MED15: variants seen among roughly 807,000 people sequenced by gnomAD.
The protein encoded by MED15 is mediator of RNA polymerase II transcription subunit 15.
In MED15, 41 loss-of-function variants were observed where a neutral mutation model predicts 118.7. The ratio of observed to expected loss-of-function variants is 0.35; its 90% CI spans 0.27 to 0.45. MED15 has a LOEUF of 0.45. Ranked by LOEUF, MED15 falls within the 20% of genes least tolerant of loss-of-function variation. The pLI, the probability that MED15 is intolerant of heterozygous loss-of-function variation, is 1.00. For synonymous variants in MED15, 436 were observed against 413.9 expected (o/e 1.05, Z -0.65); for missense variants, 740 against 1,025.5 (o/e 0.72, Z 3.80).
intron 1 of MED15, among the ~76,000 whole-genome samples, chr22:20,526,854 C>T (rs2054663909): frequency 6.6e-6 from 1 of 152,166 alleles, no homozygotes; most frequent in African/African-American, 2.4e-5. Context: ...GGACTGTTGT[C>T]TTCCTTTGTT....
intron 2 of MED15, among the ~76,000 whole-genome samples, chr22:20,547,104 A>G (rs2055573863): frequency 6.6e-6 from 1 of 152,200 alleles, no homozygotes; most frequent in Non-Finnish European, 1.5e-5. Flanking sequence ...GGTTTCTAAT[A>G]TTATTAGCAT....
rs889537464 is a variant in MED15 at position 20,535,749 on chromosome 22, CA to C, written c.69-1367del. Among the ~76,000 whole-genome samples, 8 of 151,736 alleles carry C rather than the reference CA, an allele frequency of 5.3e-5. No individual in the cohort carries two copies. In the East Asian group the frequency reaches 7.8e-4, roughly 15 times the overall value. ...TAATTTTTTGTATTTTTAGTAGAGA[CA>C]GGGTTTCACTGTGTTAGCCAGGATG... On this transcript the variant is annotated intron_variant, in intron 1 of 17. Transcript: ENST00000263205.
chr22:20,513,169 C>G (rs2146338476), intron 1 of MED15, among the ~76,000 whole-genome samples: 1 of 152,238 alleles, frequency 6.6e-6, no homozygotes, highest in South Asian at 2.1e-4. Flanking sequence ...AACTCCTGGA[C>G]TCAAGTGATT....
In MED15 at chr22:20,568,231, G is replaced by A. The variant is rs9624141; in HGVS notation, c.1042-290G>A. Among the ~76,000 whole-genome samples, 1,007 of 151,664 alleles carry A rather than the reference G, an allele frequency of 6.6e-3. 12 individuals are homozygous for A. The highest frequency in any genetic ancestry group is 0.023 in the African/African-American group (932 of 41,304). ...TCAGCATGCTTGGCCCAGAGGATGA[G>A]CAGGCTAGGCTGTAAGCTCTGCATT... On this transcript the variant is annotated intron_variant, in intron 7 of 17. Transcript: ENST00000263205.
intron 5 of MED15, among the ~76,000 whole-genome samples, chr22:20,556,029 C>T (rs578022093): frequency 6.6e-6 from 1 of 152,236 alleles, no homozygotes; most frequent in Admixed American, 6.5e-5. Context: ...GCCCTTAGGA[C>T]CTATCTTGAT....
In MED15 at chr22:20,555,102, G is replaced by T. The variant is rs147554746; in HGVS notation, c.405G>T (p.Gly135=). The change falls in exon 5 of 18, where the codon GGG becomes GGT. Residue 135 remains glycine, a synonymous_variant. Coordinates refer to ENST00000263205, the MANE Select transcript of MED15 (RefSeq NM_001003891.3). The part of the protein sequence containing the change: ...LSGQPPPGTS[G]MAPHSMAVVS... ...GGCAGCCGCCTCCTGGGACCTCGGG[G>T]ATGGCCCCTCACAGCATGGCTGTCG... The T allele has an allele frequency of 1.9e-6, 3 of 1,610,932 alleles. No individual in the cohort carries two copies. The highest frequency in any genetic ancestry group is 2.5e-6 in the Non-Finnish European group (3 of 1,179,216).
chr22:20,514,625 G>A (rs951534570), intron 1 of MED15, among the ~76,000 whole-genome samples: 6 of 152,200 alleles, frequency 3.9e-5, no homozygotes, highest in Non-Finnish European at 7.3e-5. Flanking sequence ...AGCATGGAAT[G>A]GAGCTGGAAC....
At chr22:20,572,102 T>A (rs1163098472) in intron 8 of MED15, among the ~76,000 whole-genome samples, 5 of 152,224 alleles carry the variant, frequency 3.3e-5, no homozygotes, top group Admixed American at 3.3e-4. Flanking sequence ...GATTTTTTGC[T>A]ATTACCAGTG....
chr22:20,535,980 G>A (rs5757755), intron 1 of MED15, among the ~76,000 whole-genome samples: 81,671 of 149,158 alleles, frequency 0.55, 22,604 homozygotes, highest in Admixed American at 0.69. Flanking sequence ...CGGTTCAAGC[G>A]ATTCTCCTGC....
intron 8 of MED15, among the ~76,000 whole-genome samples, chr22:20,570,924 C>G (rs1183434459): frequency 1.3e-5 from 2 of 151,702 alleles, no homozygotes; most frequent in Non-Finnish European, 2.9e-5. Context: ...GCCACTATAT[C>G]CAGCTAATTT....
At chr22:20,518,897 G>C (rs1346821863) in intron 1 of MED15, 1 of 453,258 alleles carries the variant, frequency 2.2e-6, no homozygotes. Flanking sequence ...CTGTCACTCA[G>C]GCTGAAGTGC....
At chr22:20,541,075 A>G (rs1464486774) in intron 2 of MED15, among the ~76,000 whole-genome samples, 3 of 151,982 alleles carry the variant, frequency 2.0e-5, no homozygotes, top group Non-Finnish European at 1.5e-5. Flanking sequence ...TAAAATACAA[A>G]AAAAGGAAAA....
rs757285601 is a variant in MED15 at position 20,555,099 on chromosome 22, G to T, written c.402G>T (p.Ser134=). ...CAGGGCAGCCGCCTCCTGGGACCTC[G>T]GGGATGGCCCCTCACAGCATGGCTG... ...SLSGQPPPGT[S]GMAPHSMAVV... The change falls in exon 5 of 18, where the codon TCG becomes TCT. Residue 134 remains serine, a synonymous_variant. Coordinates refer to ENST00000263205, the MANE Select transcript of MED15 (RefSeq NM_001003891.3). The T allele has an allele frequency of 1.2e-6, 2 of 1,610,922 alleles. No individual in the cohort carries two copies. Among genetic ancestry groups the T allele is most frequent in the Admixed American group, 3.3e-5 (2 of 59,716 alleles).
chr22:20,507,993 A>G, intron 1 of MED15: 1 of 1,427,830 alleles, frequency 7.0e-7, no homozygotes, highest in Non-Finnish European at 9.1e-7. Flanking sequence ...CATCGTCTTG[A>G]GCTTTCTCAT....
chr22:20,510,790 A>C (rs56115076), intron 1 of MED15, among the ~76,000 whole-genome samples: 1 of 152,216 alleles, frequency 6.6e-6, no homozygotes, highest in African/African-American at 2.4e-5. Context: ...TAGTGCACAC[A>C]GAGAAGCCAG....
Position 20,520,695 on chromosome 22 carries a change from C to T in MED15, c.68+12949C>T, listed in dbSNP as rs550796503. On this transcript the variant is annotated intron_variant, in intron 1 of 17. Coordinates refer to ENST00000263205, the MANE Select transcript of MED15 (RefSeq NM_001003891.3). ...AAACTGTGCACCACTCTTCTGACTT[C>T]CATGGCCAGCCGAGACATTTGGAAT... 3.9e-5 allele frequency among the ~76,000 whole-genome samples: 6 copies of T among 152,330 alleles called. No individual in the cohort carries two copies. The East Asian group carries it at 7.7e-4, about 20-fold the overall frequency.
intron 2 of MED15, among the ~76,000 whole-genome samples, chr22:20,546,048 C>T (rs967801332): frequency 6.6e-6 from 1 of 152,172 alleles, no homozygotes; most frequent in Non-Finnish European, 1.5e-5. Context: ...CATGGAGTCA[C>T]TATTGTCATC....
chr22:20,561,242 C>T (rs750356050), intron 5 of MED15, among the ~76,000 whole-genome samples: 63 of 151,994 alleles, frequency 4.1e-4, no homozygotes, highest in Non-Finnish European at 7.8e-4. Context: ...AGACAAAGGC[C>T]GGGCGCGGTG....
chr22:20,528,216 G>T (rs2054727233), intron 1 of MED15, among the ~76,000 whole-genome samples: 1 of 152,138 alleles, frequency 6.6e-6, no homozygotes, highest in African/African-American at 2.4e-5. Context: ...GTCTCTTCCA[G>T]CACGTGGAGC....
Sources: gnomAD v4.1 joint callset for allele counts (sites outside exome capture counted in the v4.1 genomes callset) on GRCh38, gnomAD v4.1.1 for gene constraint, MANE v1.5 for transcripts, NCBI Gene and HGNC (gene_info 2026-07-23, HGNC 2026-07-21) for gene names.